EXOC4: variants seen among roughly 807,000 people sequenced by gnomAD.
The protein encoded by EXOC4 is SEC8-like 1.
A neutral mutation model predicts 107.2 loss-of-function variants in EXOC4; 71 were observed. That is an observed-to-expected ratio of 0.66 (90% CI 0.55 to 0.81). The LOEUF (loss-of-function observed/expected upper bound fraction) is 0.81. Among genes scored for constraint, EXOC4 ranks in the 30% least tolerant of loss-of-function variants. The probability of loss-of-function intolerance (pLI) is 0.00; values close to 1 mark genes in which losing one functional copy is unlikely to be tolerated. For synonymous variants in EXOC4, 456 were observed against 441.2 expected, an observed-to-expected ratio of 1.03 and a Z score of -0.42; for missense variants, 1,108 against 1,189.6, an observed-to-expected ratio of 0.93 and a Z score of 1.01.
At chr7:133,795,396 G>A (rs1796793304) in intron 10 of EXOC4, among the ~76,000 whole-genome samples, 1 of 152,152 alleles carries the variant, frequency 6.6e-6, no homozygotes, top group Non-Finnish European at 1.5e-5. Context: ...AGATAGCAGT[G>A]ATGTTTCAGA....
At chr7:133,340,423 C>CT (rs200341512) in intron 5 of EXOC4, among the ~76,000 whole-genome samples, 15,102 of 129,434 alleles carry the variant, frequency 0.12, 852 homozygotes, top group South Asian at 0.16. Context: ...TAGTATTTTT[C>CT]TTTTTTTTTT....
At chr7:133,757,218 G>T (rs1272239354) in intron 10 of EXOC4, among the ~76,000 whole-genome samples, 2 of 152,158 alleles carry the variant, frequency 1.3e-5, no homozygotes, top group Non-Finnish European at 2.9e-5. Flanking sequence ...TTATAGTGGG[G>T]AAATAATATA....
intron 11 of EXOC4, among the ~76,000 whole-genome samples, chr7:133,870,250 A>ACCT (rs1419421639): frequency 1.3e-5 from 2 of 152,038 alleles, no homozygotes; most frequent in African/African-American, 2.4e-5. Flanking sequence ...ACATCTCCCT[A>ACCT]CCTCCATTTG....
At chr7:133,743,795 A>T (rs999853759) in intron 10 of EXOC4, among the ~76,000 whole-genome samples, 1 of 152,118 alleles carries the variant, frequency 6.6e-6, no homozygotes, top group Non-Finnish European at 1.5e-5. Context: ...TTTGGTTTTG[A>T]GCTACTTGGG....
chr7:133,446,230 C>A (rs1798216804), intron 7 of EXOC4, among the ~76,000 whole-genome samples: 1 of 152,070 alleles, frequency 6.6e-6, no homozygotes, highest in Non-Finnish European at 1.5e-5. Context: ...CTGGACTAAC[C>A]CCTTTATTTC....
At chr7:133,295,591 G>A (rs748885785) in intron 3 of EXOC4, among the ~76,000 whole-genome samples, 1 of 152,142 alleles carries the variant, frequency 6.6e-6, no homozygotes, top group Admixed American at 6.5e-5. Flanking sequence ...TTTAGTGTTA[G>A]AAGAGTTGGT....
intron 11 of EXOC4, among the ~76,000 whole-genome samples, chr7:133,890,559 C>T (rs1799184185): frequency 7.1e-6 from 1 of 140,204 alleles, no homozygotes; most frequent in East Asian, 2.1e-4. Context: ...GGTTTTAGGT[C>T]TAACGTTTAA....
At chr7:133,855,916 G>T (rs923192660) in intron 11 of EXOC4, among the ~76,000 whole-genome samples, 41 of 152,138 alleles carry the variant, frequency 2.7e-4, no homozygotes, top group African/African-American at 9.2e-4. Context: ...AACCATGTAC[G>T]TAGGTTGTCA....
chr7:133,737,086 T>G (rs1446383094), intron 10 of EXOC4, among the ~76,000 whole-genome samples: 2 of 152,246 alleles, frequency 1.3e-5, no homozygotes, highest in African/African-American at 2.4e-5. Flanking sequence ...TTTGCTATTC[T>G]TTTAGTATTC....
intron 10 of EXOC4, among the ~76,000 whole-genome samples, chr7:133,644,473 T>C (rs567756452): frequency 6.6e-6 from 1 of 152,328 alleles, no homozygotes; most frequent in African/African-American, 2.4e-5. Flanking sequence ...ATATGTAAAG[T>C]ATATAATAGC....
At chr7:133,847,785 T>A (rs911280834) in intron 11 of EXOC4, among the ~76,000 whole-genome samples, 1 of 151,594 alleles carries the variant, frequency 6.6e-6, no homozygotes, top group Non-Finnish European at 1.5e-5. Context: ...CTCGGCTCAC[T>A]GCAACCTTCT....
intron 7 of EXOC4, among the ~76,000 whole-genome samples, chr7:133,448,749 T>A (rs1391998388): frequency 6.6e-6 from 1 of 152,162 alleles, no homozygotes; most frequent in African/African-American, 2.4e-5. Flanking sequence ...GCAGTCAAAT[T>A]AAGGTGAGGT....
At chr7:133,764,590 A>AT in intron 10 of EXOC4, among the ~76,000 whole-genome samples, 1 of 152,192 alleles carries the variant, frequency 6.6e-6, no homozygotes, top group South Asian at 2.1e-4. Context: ...AGAAGAGTGA[A>AT]TTAATTTCCT....
chr7:133,357,448 C>T (rs538953552), intron 6 of EXOC4, among the ~76,000 whole-genome samples: 1 of 152,246 alleles, frequency 6.6e-6, no homozygotes, highest in African/African-American at 2.4e-5. Context: ...ATAGACAAAT[C>T]AGTCTCAGGA....
At chr7:133,559,982 C>T (rs1800776160) in intron 9 of EXOC4, among the ~76,000 whole-genome samples, 1 of 152,204 alleles carries the variant, frequency 6.6e-6, no homozygotes, top group African/African-American at 2.4e-5. Flanking sequence ...AGCTTAGGTA[C>T]ATATATCTCA....
intron 17 of EXOC4, among the ~76,000 whole-genome samples, chr7:134,033,797 TA>T (rs922797562): frequency 1.3e-5 from 2 of 151,854 alleles, no homozygotes; most frequent in Non-Finnish European, 2.9e-5. Context: ...GAGAGGGGCA[TA>T]AAAAAAAGTC....
intron 6 of EXOC4, among the ~76,000 whole-genome samples, chr7:133,356,953 C>T (rs1796034811): frequency 1.3e-5 from 2 of 152,110 alleles, no homozygotes; most frequent in South Asian, 4.1e-4. Context: ...GCTCTCCGGC[C>T]TAGGTGACAG....
intron 17 of EXOC4, among the ~76,000 whole-genome samples, chr7:134,023,472 T>C (rs1187574063): frequency 1.3e-5 from 2 of 152,158 alleles, no homozygotes; most frequent in East Asian, 3.9e-4. Flanking sequence ...CTACTATGAA[T>C]TGAGTATTTA....
chr7:133,910,472 A>T (rs1447452367), intron 12 of EXOC4, among the ~76,000 whole-genome samples: 2 of 152,170 alleles, frequency 1.3e-5, no homozygotes, highest in Non-Finnish European at 2.9e-5. Flanking sequence ...TGTCATTCTC[A>T]GGTAGACATA....
Sources: allele counts gnomAD v4.1 joint callset (sites outside exome capture counted in the v4.1 genomes callset), GRCh38; gene constraint gnomAD v4.1.1; transcripts MANE v1.5; gene names NCBI Gene and HGNC (gene_info 2026-07-23, HGNC 2026-07-21).